Variants in SLC39A11 observed in about 807,000 individuals in gnomAD.
The protein encoded by SLC39A11 is zinc transporter ZIP11.
In SLC39A11, 33 loss-of-function variants were observed where a neutral mutation model predicts 36.1. The ratio of observed to expected loss-of-function variants is 0.91; its 90% CI spans 0.69 to 1.22. The LOEUF (loss-of-function observed/expected upper bound fraction) is 1.22. Among genes scored for constraint, SLC39A11 ranks in the 50% most tolerant of loss-of-function variants. SLC39A11 has a pLI of 0.00. For missense variants in SLC39A11, 432 were observed against 430.3 expected (o/e 1.00, Z -0.03); for synonymous variants, 166 against 170.3 (o/e 0.97, Z 0.20).
At chr17:73,024,734 G>T (rs1012149124) in intron 4 of SLC39A11, among the ~76,000 whole-genome samples, 5 of 151,834 alleles carry the variant, frequency 3.3e-5, no homozygotes, top group African/African-American at 1.2e-4. Context: ...GTCTTGCTAT[G>T]CCACCCAGGC....
intron 6 of SLC39A11, among the ~76,000 whole-genome samples, chr17:72,764,652 A>G (rs977719632): frequency 1.6e-4 from 24 of 152,290 alleles, no homozygotes; most frequent in African/African-American, 5.8e-4. Flanking sequence ...GCTGGGGCAG[A>G]CTGAAACTCA....
At chr17:72,749,640 G>T (rs920358572) in intron 6 of SLC39A11, among the ~76,000 whole-genome samples, 4 of 152,142 alleles carry the variant, frequency 2.6e-5, no homozygotes, top group African/African-American at 9.7e-5. Flanking sequence ...CAGGCTCTCT[G>T]GTCCCCTTGG....
chr17:72,992,587 G>A (rs1425207396), intron 4 of SLC39A11, among the ~76,000 whole-genome samples: 1 of 152,100 alleles, frequency 6.6e-6, no homozygotes, highest in Non-Finnish European at 1.5e-5. Context: ...TGTGTGTATT[G>A]CAAATATCTT....
At chr17:72,957,456 T>C (rs75523604) in intron 4 of SLC39A11, among the ~76,000 whole-genome samples, 7,774 of 152,286 alleles carry the variant, frequency 0.051, 219 homozygotes, top group Non-Finnish European at 0.063. Flanking sequence ...TCTCATTCAC[T>C]TAAAATAGGG....
rs546360357 is a variant in SLC39A11, at chr17:72,912,428, A to G, written c.430+35324T>C. Among the ~76,000 whole-genome samples the G allele has an allele frequency of 4.6e-5, 7 of 151,650 alleles. No homozygotes were observed. In the East Asian group the frequency reaches 1.4e-3, roughly 30 times the overall value. On this transcript the variant is annotated intron_variant, in intron 5 of 9. Transcript: ENST00000255559. The stretch of plus-strand genomic sequence containing the variant: ...TTAACATTATTTACATTCTTAGGAC[A>G]ATATCTTTTTTTTTTTTTTTTAAGT...
At chr17:72,687,079 G>A (rs2071789573) in intron 7 of SLC39A11, among the ~76,000 whole-genome samples, 1 of 152,188 alleles carries the variant, frequency 6.6e-6, no homozygotes, top group African/African-American at 2.4e-5. Flanking sequence ...CCAGGCTGGA[G>A]TTTGGTGGCA....
At chr17:72,676,717 A>T (rs1490463144) in intron 7 of SLC39A11, among the ~76,000 whole-genome samples, 1 of 152,348 alleles carries the variant, frequency 6.6e-6, no homozygotes, top group East Asian at 1.9e-4. Context: ...AGTTTGTGCA[A>T]CTAATATTGC....
chr17:72,993,664 C>G (rs1182644137), intron 4 of SLC39A11, among the ~76,000 whole-genome samples: 1 of 152,174 alleles, frequency 6.6e-6, no homozygotes, highest in Non-Finnish European at 1.5e-5. Context: ...ATGAGACTTG[C>G]CAGTCTTCCC....
intron 6 of SLC39A11, among the ~76,000 whole-genome samples, chr17:72,806,213 C>T (rs577374891): frequency 1.8e-4 from 27 of 152,246 alleles, no homozygotes; most frequent in African/African-American, 6.0e-4. Context: ...CCCCCTCAGC[C>T]GTTACTTTTC....
chr17:72,856,807 A>G (rs1287990608), intron 5 of SLC39A11, among the ~76,000 whole-genome samples: 1 of 152,040 alleles, frequency 6.6e-6, no homozygotes, highest in African/African-American at 2.4e-5. Context: ...CGGCCTCCAG[A>G]GTAGCTGGGA....
chr17:72,687,260 AG>A (rs1216219653), intron 7 of SLC39A11, among the ~76,000 whole-genome samples: 2 of 151,748 alleles, frequency 1.3e-5, no homozygotes, highest in Admixed American at 1.3e-4. Flanking sequence ...ACTCTTGGGT[AG>A]GAGCATTTTT....
At position 72,912,720 on chromosome 17, in the gene SLC39A11, C is replaced by T. The variant is rs561970806; in HGVS notation, c.430+35032G>A. Among the ~76,000 whole-genome samples, 18 of 152,260 alleles carry T rather than the reference C, an allele frequency of 1.2e-4. No homozygotes were observed. The East Asian group carries it at 2.3e-3, about 20-fold the overall frequency. On this transcript the variant is annotated intron_variant, in intron 5 of 9. Transcript: ENST00000255559. ...AGAAGCATCGACCAGAGCAGAGCAT[C>T]TCACTTGGTCCTGCCTGTGCCAAGG...
intron 5 of SLC39A11, among the ~76,000 whole-genome samples, chr17:72,900,223 A>T (rs1408710265): frequency 6.8e-6 from 1 of 147,648 alleles, no homozygotes; most frequent in Non-Finnish European, 1.5e-5. Flanking sequence ...GAAAGAAAGA[A>T]AGAAAGAAAA....
chr17:73,053,531 C>T (rs749600460), intron 3 of SLC39A11, among the ~76,000 whole-genome samples: 1 of 152,152 alleles, frequency 6.6e-6, no homozygotes, highest in Non-Finnish European at 1.5e-5. Flanking sequence ...AATATACTTA[C>T]TCATTTCATC....
chr17:72,922,522 T>A (rs1306455622), intron 5 of SLC39A11, among the ~76,000 whole-genome samples: 2 of 152,150 alleles, frequency 1.3e-5, no homozygotes. Context: ...TGCTACAGGG[T>A]GAGAAGAAAG....
intron 5 of SLC39A11, among the ~76,000 whole-genome samples, chr17:72,857,546 G>T (rs2079710765): frequency 6.6e-6 from 1 of 152,150 alleles, no homozygotes; most frequent in Non-Finnish European, 1.5e-5. Flanking sequence ...TTAGCACTTT[G>T]AGGAACTGCC....
At chr17:72,826,659 T>C (rs1598891154) in intron 6 of SLC39A11, among the ~76,000 whole-genome samples, 1 of 152,164 alleles carries the variant, frequency 6.6e-6, no homozygotes, top group Non-Finnish European at 1.5e-5. Context: ...TTAAGCTTGA[T>C]TGGATATACA....
At chr17:72,998,818 A>G (rs2089660278) in intron 4 of SLC39A11, among the ~76,000 whole-genome samples, 1 of 152,224 alleles carries the variant, frequency 6.6e-6, no homozygotes, top group African/African-American at 2.4e-5. Flanking sequence ...TAAAGTTGCA[A>G]GGAAAGCCAG....
At chr17:73,005,401 C>T (rs914997558) in intron 4 of SLC39A11, among the ~76,000 whole-genome samples, 2 of 152,204 alleles carry the variant, frequency 1.3e-5, no homozygotes, top group African/African-American at 4.8e-5. Context: ...TATCAAATAC[C>T]TACTGCATGC....
Sources: allele counts gnomAD v4.1 joint callset (sites outside exome capture counted in the v4.1 genomes callset), GRCh38; gene constraint gnomAD v4.1.1; transcripts MANE v1.5; gene names NCBI Gene and HGNC (gene_info 2026-07-23, HGNC 2026-07-21).